OTC: variants seen among roughly 807,000 people sequenced by gnomAD.
OTC encodes ornithine transcarbamylase, also known as ornithine transcarbamylase, mitochondrial.
In OTC, 3 loss-of-function variants were observed where a neutral mutation model predicts 30.3. The observed-to-expected ratio is 0.10, with a 90% CI of 0.05 to 0.26. OTC has a LOEUF of 0.26. Ranked by LOEUF, OTC falls within the 10% of genes least tolerant of loss-of-function variation. The pLI, the probability that OTC is intolerant of heterozygous loss-of-function variation, is 1.00. For synonymous variants in OTC, 111 were observed against 99.7 expected, an observed-to-expected ratio of 1.11 and a Z score of -0.67; for missense variants, 194 against 260.3, an observed-to-expected ratio of 0.75 and a Z score of 1.75.
chrX:38,328,799 G>A, the OTC span, among the ~76,000 whole-genome samples: 1 of 112,077 alleles, frequency 8.9e-6, no homozygotes, highest in Non-Finnish European at 1.9e-5. Context: ...AGGGTTCAGA[G>A]GCTATTGCAG....
At chrX:38,398,222 C>G (rs1297716319) in intron 4 of OTC, among the ~76,000 whole-genome samples, 1 of 111,809 alleles carries the variant, frequency 8.9e-6, no homozygotes, top group Non-Finnish European at 1.9e-5. Flanking sequence ...GCTAGCATTT[C>G]TGTCTTTCAG....
intron 9 of OTC, among the ~76,000 whole-genome samples, chrX:38,417,974 T>C (rs2068577718): frequency 8.9e-6 from 1 of 111,910 alleles, no homozygotes; most frequent in African/African-American, 3.2e-5. Context: ...CTGCACCAGA[T>C]TGGTTTCAGT....
upstream of OTC, among the ~76,000 whole-genome samples, chrX:38,350,682 T>C (rs960306501): frequency 1.8e-5 from 2 of 111,596 alleles, no homozygotes; most frequent in African/African-American, 6.5e-5. Context: ...ATTGGTATCT[T>C]AACTTTTTTT....
At chrX:38,394,375 AT>A (rs753111627) in intron 4 of OTC, among the ~76,000 whole-genome samples, 1 of 111,956 alleles carries the variant, frequency 8.9e-6, no homozygotes, top group Non-Finnish European at 1.9e-5. Flanking sequence ...TTTAGGTATA[AT>A]TTTTTTCCAA....
chrX:38,361,780 A>G (rs765379765), intron 1 of OTC, among the ~76,000 whole-genome samples: 1 of 112,309 alleles, frequency 8.9e-6, no homozygotes, highest in South Asian at 3.7e-4. Context: ...GTACTAAAAA[A>G]TACATCAGTT....
At chrX:38,357,043 G>C (rs1274283307) in intron 1 of OTC, among the ~76,000 whole-genome samples, 1 of 111,019 alleles carries the variant, frequency 9.0e-6, no homozygotes, top group Non-Finnish European at 1.9e-5. Context: ...ATTAAAGTTA[G>C]GCCACTGAAA....
intron 4 of OTC, among the ~76,000 whole-genome samples, chrX:38,382,686 A>C (rs190006383): frequency 2.4e-3 from 275 of 112,420 alleles, no homozygotes; most frequent in Admixed American, 4.1e-3. Context: ...CAAAAGTGAA[A>C]ATATACTTTA....
chrX:38,372,472 G>A (rs1424617233), intron 3 of OTC, among the ~76,000 whole-genome samples: 1 of 112,449 alleles, frequency 8.9e-6, no homozygotes, highest in Non-Finnish European at 1.9e-5. Context: ...TAATAGTCAT[G>A]TTTTCTTCTA....
intron 3 of OTC, among the ~76,000 whole-genome samples, chrX:38,371,803 C>T (rs1165952391): frequency 8.9e-6 from 1 of 112,098 alleles, no homozygotes; most frequent in Non-Finnish European, 1.9e-5. Context: ...CTCTTTAAAG[C>T]TGGCTGCTGT....
At chrX:38,406,159 A>G (rs752902024) in intron 6 of OTC, among the ~76,000 whole-genome samples, 2 of 111,871 alleles carry the variant, frequency 1.8e-5, no homozygotes, top group East Asian at 2.8e-4. Flanking sequence ...TGATAGTGCA[A>G]AAGTCATTCC....
chrX:38,412,507 A>G (rs2068548973), intron 9 of OTC, among the ~76,000 whole-genome samples: 1 of 112,134 alleles, frequency 8.9e-6, no homozygotes, highest in Admixed American at 9.5e-5. Flanking sequence ...TCCAAATTTC[A>G]TGGCAAAACT....
chrX:38,387,866 G>A (rs372317965), intron 4 of OTC, among the ~76,000 whole-genome samples: 1 of 111,374 alleles, frequency 9.0e-6, no homozygotes, highest in East Asian at 2.8e-4. Flanking sequence ...CCTCTGCCTA[G>A]TGTGATCCCA....
At chrX:38,365,832 A>C (rs538530452) in intron 1 of OTC, among the ~76,000 whole-genome samples, 14 of 112,186 alleles carry the variant, frequency 1.2e-4, no homozygotes, top group African/African-American at 4.5e-4. Context: ...CTTCCCATGA[A>C]GCAATAGGGA....
intron 4 of OTC, among the ~76,000 whole-genome samples, chrX:38,381,781 T>C (rs1280860800): frequency 8.9e-6 from 1 of 111,984 alleles, no homozygotes; most frequent in Non-Finnish European, 1.9e-5. Flanking sequence ...TCAGACTAGG[T>C]AATAATATTA....
chrX:38,417,718 A>G (rs180971885), intron 9 of OTC, among the ~76,000 whole-genome samples: 15 of 112,417 alleles, frequency 1.3e-4, no homozygotes, highest in African/African-American at 4.5e-4. Context: ...ACACATGTAC[A>G]GTGTGGTTGA....
chrX:38,386,379 A>AT (rs1393666993), intron 4 of OTC, among the ~76,000 whole-genome samples: 9 of 75,995 alleles, frequency 1.2e-4, no homozygotes, highest in African/African-American at 3.9e-4. Flanking sequence ...TCTCAAAAAA[A>AT]AAAAAAAATA....
At chrX:38,361,264 C>T (rs191082373) in intron 1 of OTC, among the ~76,000 whole-genome samples, 122 of 109,998 alleles carry the variant, frequency 1.1e-3, no homozygotes, top group African/African-American at 3.6e-3. Context: ...GAGATTGCGC[C>T]GCTGCGCTCC....
chrX:38,409,095 T>C (rs1417879605), intron 8 of OTC, 70 bp downstream of exon 8: 10 of 1,078,748 alleles, frequency 9.3e-6, no homozygotes, highest in Admixed American at 2.2e-5. Flanking sequence ...TAATCACTTA[T>C]TCACTTTAGG....
At chrX:38,387,098 T>G (rs1173702613) in intron 4 of OTC, among the ~76,000 whole-genome samples, 1 of 112,596 alleles carries the variant, frequency 8.9e-6, no homozygotes, top group Non-Finnish European at 1.9e-5. Context: ...GTATGCCTTT[T>G]GTGCAGAAAT....
Sources: allele counts gnomAD v4.1 joint callset (sites outside exome capture counted in the v4.1 genomes callset), GRCh38; gene constraint gnomAD v4.1.1; transcripts MANE v1.5; gene names NCBI Gene and HGNC (gene_info 2026-07-23, HGNC 2026-07-21).